The following ADAD1 variants were observed in gnomAD, a reference collection of about 807,000 sequenced individuals.
ADAD1 encodes adenosine deaminase domain-containing protein 1.
A neutral mutation model predicts 66.8 loss-of-function variants in ADAD1; 46 were observed. The ratio of observed to expected loss-of-function variants is 0.69; its 90% confidence interval spans 0.54 to 0.88. The LOEUF (loss-of-function observed/expected upper bound fraction) is 0.88, where lower values mean the gene tolerates loss of function less well. Ranked by LOEUF, ADAD1 falls within the 40% of genes least tolerant of loss-of-function variation. ADAD1 has a pLI of 0.00. For synonymous variants in ADAD1, 248 were observed against 229.4 expected, an observed-to-expected ratio of 1.08 and a Z score of -0.73; for missense variants, 617 against 681.8, an observed-to-expected ratio of 0.91 and a Z score of 1.06.
intron 6 of ADAD1, among the ~76,000 whole-genome samples, chr4:122,395,411 G>A (rs952249769): frequency 6.6e-6 from 1 of 152,086 alleles, no homozygotes; most frequent in Admixed American, 6.5e-5. Context: ...GGCCGGGCGC[G>A]GTGGCTCACG....
intron 12 of ADAD1, among the ~76,000 whole-genome samples, chr4:122,422,947 A>G (rs574418790): frequency 3.5e-4 from 41 of 116,876 alleles, no homozygotes; most frequent in African/African-American, 1.5e-3. Flanking sequence ...GCAAGACCCT[A>G]TTTCTCTTTA....
In ADAD1 at chr4:122,380,119, C is replaced by T. The variant is rs1794813690; in HGVS notation, c.50C>T (p.Ala17Val). The change falls in exon 3 of 13, where the codon GCC becomes GTC. Residue 17 changes from alanine (A) to valine (V), a missense_variant. By Grantham distance (64) the Ala-to-Val change is moderately conservative. Coordinates refer to ENST00000296513, the MANE Select transcript of ADAD1 (RefSeq NM_139243.4). ...CAGAGTTCGCAGGTCCCCAGCTTTG[C>T]CCAGATGCTGAAAAAGAACCTGCCA... is the stretch of plus-strand genomic sequence containing the variant. The part of the protein sequence containing the change: ...WFQSSQVPSF[A>V]QMLKKNLPVQ... The T allele has an allele frequency of 1.2e-6, 2 of 1,613,944 alleles. No homozygotes were observed. Among genetic ancestry groups the T allele is most frequent in the African/African-American group, 2.7e-5 (2 of 74,890 alleles).
At chr4:122,389,592 C>T (rs1221347884) in intron 5 of ADAD1, among the ~76,000 whole-genome samples, 2 of 152,124 alleles carry the variant, frequency 1.3e-5, no homozygotes, top group Non-Finnish European at 2.9e-5. Flanking sequence ...GTGAATTTTT[C>T]CCTTTACCAT....
rs920305593 is a variant in ADAD1 at position 122,380,410 on chromosome 4, GCT to G, written c.172+172_172+173del. 4 of 735,472 alleles carry G rather than the reference GCT, an allele frequency of 5.4e-6. No individual in the cohort carries two copies. In the South Asian group the frequency reaches 8.3e-5, roughly 15 times the overall value. The allele number at this position is 735,472 out of a possible 1,614,324, so 45.6% of individuals were successfully genotyped here. On this transcript the variant is annotated intron_variant, in intron 3 of 12. Coordinates refer to ENST00000296513, the MANE Select transcript of ADAD1 (RefSeq NM_139243.4). The stretch of plus-strand genomic sequence containing the variant: ...TCAACATTTGGAGGAGGCCTGTAGA[GCT>G]CTTTACCTGTGCCGCTCGTTTAACC...
At chr4:122,423,985 A>G (rs141335098) in intron 12 of ADAD1, among the ~76,000 whole-genome samples, 15 of 152,314 alleles carry the variant, frequency 9.8e-5, no homozygotes, top group Admixed American at 9.8e-4. Flanking sequence ...TAAAGGGTAA[A>G]TTTTGTGACT....
Position 122,411,284 on chromosome 4 carries a change from T to C in ADAD1, c.911T>C (p.Ile304Thr). Reference sequence around the variant, plus strand: ...AATCCTGCTATGATGGAAAAATCAATATTTTGTACAGAACCAACTTCTAAT... The same window carrying C: ...AATCCTGCTATGATGGAAAAATCAACATTTTGTACAGAACCAACTTCTAAT... ...SKNPAMMEKS[I>T]FCTEPTSNLL... is the part of the protein sequence containing the mutation. Residue 304 changes from isoleucine to threonine, a missense_variant, in exon 9 of 13, where the codon ATA becomes ACA. Physicochemically the swap from Ile to Thr is moderately conservative, Grantham distance 89 (BLOSUM62 -1). Transcript: ENST00000296513. 1 of 1,611,950 alleles carries C rather than the reference T, an allele frequency of 6.2e-7. No individual in the cohort carries two copies. Among genetic ancestry groups the C allele is most frequent in the Non-Finnish European group, 8.5e-7 (1 of 1,179,380 alleles).
intron 4 of ADAD1, 48 bp downstream of exon 4, chr4:122,381,228 C>A (rs1794885085): frequency 1.3e-6 from 2 of 1,484,686 alleles, no homozygotes; most frequent in Middle Eastern, 1.8e-4. Flanking sequence ...AAAAGTATAG[C>A]AAAATAATTG....
intron 12 of ADAD1, among the ~76,000 whole-genome samples, chr4:122,423,735 A>T (rs1478721143): frequency 6.6e-6 from 1 of 152,218 alleles, no homozygotes; most frequent in African/African-American, 2.4e-5. Context: ...ATACAATAAG[A>T]TATTATGTCA....
At chr4:122,395,738 G>T (rs1478325419) in intron 6 of ADAD1, among the ~76,000 whole-genome samples, 1 of 151,922 alleles carries the variant, frequency 6.6e-6, no homozygotes, top group African/African-American at 2.4e-5. Context: ...GGTAATCCTG[G>T]GTTACTTAGA....
intron 6 of ADAD1, among the ~76,000 whole-genome samples, chr4:122,395,373 T>C (rs1795654938): frequency 1.3e-5 from 2 of 152,198 alleles, no homozygotes; most frequent in South Asian, 4.1e-4. Flanking sequence ...TGTTTCTAAC[T>C]GGACCATATC....
intron 7 of ADAD1, among the ~76,000 whole-genome samples, chr4:122,401,465 A>G (rs1319059877): frequency 6.6e-6 from 1 of 152,142 alleles, no homozygotes; most frequent in Non-Finnish European, 1.5e-5. Context: ...TAGAATGTAT[A>G]TTCTGCAGTT....
intron 5 of ADAD1, among the ~76,000 whole-genome samples, chr4:122,391,577 C>T (rs79485544): frequency 3.3e-5 from 5 of 152,214 alleles, no homozygotes; most frequent in African/African-American, 4.8e-5. Flanking sequence ...ATTGGAGATC[C>T]TCCAGGGAAG....
chr4:122,396,219 G>C (rs1471909003), intron 6 of ADAD1, 33 bp from the exon 7 acceptor site: 4 of 1,538,048 alleles, frequency 2.6e-6, no homozygotes. Context: ...GGAGCACAAT[G>C]TTCTTGAAAT....
At chr4:122,387,210 T>TC (rs1795213234) in intron 5 of ADAD1, among the ~76,000 whole-genome samples, 1 of 152,210 alleles carries the variant, frequency 6.6e-6, no homozygotes, top group Admixed American at 6.5e-5. Flanking sequence ...CTCTGTTATT[T>TC]CCCCGAGCAG....
At position 122,406,829 on chromosome 4, in the gene ADAD1, C is replaced by T. The variant is rs565030896; in HGVS notation, c.725-1079C>T. 3.9e-5 allele frequency among the ~76,000 whole-genome samples: 6 copies of T among 152,210 alleles called. No homozygotes were observed. The South Asian group carries it at 6.2e-4, about 16-fold the overall frequency. On this transcript the variant is annotated intron_variant, in intron 7 of 12. Coordinates refer to ENST00000296513, the MANE Select transcript of ADAD1 (RefSeq NM_139243.4). ...TGGTGCTGAAGCTTAAATTTCAGCT[C>T]GTTAGGGAGGGATTCTGCAACTGGT...
intron 10 of ADAD1, among the ~76,000 whole-genome samples, chr4:122,413,852 A>ATATG (rs1491155535): frequency 5.9e-4 from 2 of 3,388 alleles, no homozygotes; most frequent in South Asian, 0.032. Context: ...ATGATAGATC[A>ATATG]TATATATATA....
chr4:122,419,419 A>G (rs991970205), intron 11 of ADAD1, among the ~76,000 whole-genome samples: 1 of 152,200 alleles, frequency 6.6e-6, no homozygotes, highest in Non-Finnish European at 1.5e-5. Context: ...AGGAAAAATA[A>G]CTAATGAATA....
chr4:122,420,837 T>C (rs542825185), intron 11 of ADAD1, among the ~76,000 whole-genome samples: 1 of 152,346 alleles, frequency 6.6e-6, no homozygotes, highest in South Asian at 2.1e-4. Flanking sequence ...CCAAAACTTC[T>C]TGCAGTGAAA....
intron 12 of ADAD1, among the ~76,000 whole-genome samples, chr4:122,425,648 C>T (rs1202643727): frequency 6.6e-6 from 1 of 150,840 alleles, no homozygotes; most frequent in South Asian, 2.1e-4. Context: ...AAATAAAATA[C>T]AGTATAACAA....
Sources: allele counts gnomAD v4.1 joint callset (sites outside exome capture counted in the v4.1 genomes callset), GRCh38; gene constraint gnomAD v4.1.1; transcripts MANE v1.5; gene names NCBI Gene and HGNC (gene_info 2026-07-23, HGNC 2026-07-21).